RAMP1: variants seen among roughly 807,000 people sequenced by gnomAD.
RAMP1 encodes receptor activity modifying protein 1.
A neutral mutation model predicts 8.2 loss-of-function variants in RAMP1; 7 were observed. That is an observed-to-expected ratio of 0.85 (90% CI 0.49 to 1.60). The LOEUF is 1.60. Ranked by LOEUF, RAMP1 falls within the 40% of genes most tolerant of loss-of-function variation. The pLI, the probability that RAMP1 is intolerant of heterozygous loss-of-function variation, is 0.00. For missense variants in RAMP1, 192 were observed against 202.4 expected (o/e 0.95, Z 0.31); for synonymous variants, 92 against 84.7 (o/e 1.09, Z -0.47).
At position 237,877,195 on chromosome 2, in the gene RAMP1, C is replaced by T. The variant is rs955237778; in HGVS notation, c.53-29C>T. On this transcript the variant is annotated intron_variant, in intron 1 of 2. Coordinates refer to ENST00000254661, the MANE Select transcript of RAMP1 (RefSeq NM_005855.4). This position sits in a 1 kb window ranked among gnomAD's most constrained non-coding sequence, Gnocchi z 4.4. ...ACCCCTAGGCCTCTGCTGCCGCCCG[C>T]CATCTCTTCATGGCCGTGTCTATTT... 1.2e-6 allele frequency: 2 copies of T among 1,612,944 alleles called. No individual in the cohort carries two copies. The highest frequency in any genetic ancestry group is 1.7e-5 in the Admixed American group (1 of 59,990).
chr2:237,886,762 C>T (rs917685711), intron 2 of RAMP1, among the ~76,000 whole-genome samples: 6 of 152,244 alleles, frequency 3.9e-5, no homozygotes, highest in Admixed American at 1.3e-4. Flanking sequence ...GATTAACTGC[C>T]TGGTTTCACA....
Position 237,865,480 on chromosome 2 carries a change from C to G in RAMP1, c.52+5753C>G, listed in dbSNP as rs1483090303. 2.0e-5 allele frequency among the ~76,000 whole-genome samples: 3 copies of G among 152,000 alleles called. No individual in the cohort carries two copies. Among genetic ancestry groups the G allele is most frequent in the Non-Finnish European group, 2.9e-5 (2 of 67,996 alleles). On this transcript the variant is annotated intron_variant, in intron 1 of 2. Transcript: ENST00000254661. This position sits in a 1 kb window ranked among gnomAD's most constrained non-coding sequence, Gnocchi z 4.2. ...AGCATAAGCCTGTCTCATACAGTAT[C>G]GGGAACATGCCTCAAAAACCACCGT... is the stretch of plus-strand genomic sequence containing the variant.
At chr2:237,904,913 C>T (rs78068722) in intron 2 of RAMP1, among the ~76,000 whole-genome samples, 381 of 152,148 alleles carry the variant, frequency 2.5e-3, no homozygotes, top group African/African-American at 8.7e-3. Context: ...TAGGGCCAGC[C>T]GGGGGTAGCT....
chr2:237,895,903 G>A (rs938679952), intron 2 of RAMP1, among the ~76,000 whole-genome samples: 1 of 152,168 alleles, frequency 6.6e-6, no homozygotes, highest in Non-Finnish European at 1.5e-5. Context: ...GTCCCCGTGA[G>A]GTGGGAACCC....
At chr2:237,910,289 C>T (rs2062696859) in intron 2 of RAMP1, among the ~76,000 whole-genome samples, 1 of 151,310 alleles carries the variant, frequency 6.6e-6, no homozygotes, top group Non-Finnish European at 1.5e-5. Flanking sequence ...CACACACCCA[C>T]AGACAATAAC....
At chr2:237,905,222 C>T (rs966162824) in intron 2 of RAMP1, among the ~76,000 whole-genome samples, 3 of 152,104 alleles carry the variant, frequency 2.0e-5, no homozygotes, top group East Asian at 1.9e-4. Context: ...TCCTTCAGTC[C>T]GTTCTGTGTT....
In RAMP1 at chr2:237,908,410, C is replaced by CTGGTGGTGGTGGTGGTGGTGG. The variant is rs1553740387; in HGVS notation, c.192-3109_192-3089dup. Among the ~76,000 whole-genome samples, 195 of 149,114 alleles carry CTGGTGGTGGTGGTGGTGGTGG rather than the reference C, an allele frequency of 1.3e-3. 1 individual carries two copies. The highest frequency in any genetic ancestry group is 2.7e-3 in the Admixed American group (40 of 14,922). ...TCCCTTCCCCAGTGAGAAGAGACCTCTGGTGGTGGTGGTGGTGGTGGTGGT... is the reference window on the plus strand; with the variant it reads ...TCCCTTCCCCAGTGAGAAGAGACCTCTGGTGGTGGTGGTGGTGGTGGTGGTGGTGGTGGTGGTGGTGGTGGT... On this transcript the variant is annotated intron_variant, in intron 2 of 2. Coordinates refer to ENST00000254661, the MANE Select transcript of RAMP1 (RefSeq NM_005855.4).
At chr2:237,899,360 T>C (rs774142454) in intron 2 of RAMP1, among the ~76,000 whole-genome samples, 4 of 152,210 alleles carry the variant, frequency 2.6e-5, no homozygotes, top group African/African-American at 4.8e-5. Context: ...CGTGAGCCAC[T>C]GCACCTGGCC....
At chr2:237,900,687 TAATTG>T (rs2062588274) in intron 2 of RAMP1, among the ~76,000 whole-genome samples, 1 of 152,244 alleles carries the variant, frequency 6.6e-6, no homozygotes, top group Admixed American at 6.5e-5. Flanking sequence ...TAATATTTTG[TAATTG>T]AATTTTTAAA....
chr2:237,871,958 T>TATATATA (rs1435534166), intron 1 of RAMP1, among the ~76,000 whole-genome samples: 2 of 152,324 alleles, frequency 1.3e-5, no homozygotes, highest in East Asian at 3.9e-4. Flanking sequence ...AATGGGTGAA[T>TATATATA]TTGTGGTATA....
intron 1 of RAMP1, among the ~76,000 whole-genome samples, chr2:237,867,518 ATCT>A (rs1313966901): frequency 1.3e-5 from 2 of 152,004 alleles, no homozygotes; most frequent in East Asian, 3.9e-4. Flanking sequence ...TGGAGAATGC[ATCT>A]TCTTCCCGTG....
chr2:237,911,546 C>A lies in RAMP1; in HGVS notation c.210C>A (p.Ala70=). 6.2e-7 allele frequency: 1 copy of A among 1,614,108 alleles called. No homozygotes were observed. The highest frequency in any genetic ancestry group is 8.5e-7 in the Non-Finnish European group (1 of 1,179,986). The change falls in exon 3 of 3, where the codon GCC becomes GCA. Residue 70 remains alanine, a synonymous_variant. Transcript: ENST00000254661. ...GRTIRSYREL[A]DCTWHMAEKL... ...TCCGCAGGAGCTACAGGGAGCTGGC[C>A]GACTGCACCTGGCACATGGCGGAGA...
chr2:237,899,423 GGTT>G (rs1368719542), intron 2 of RAMP1, among the ~76,000 whole-genome samples: 1 of 152,216 alleles, frequency 6.6e-6, no homozygotes, highest in Non-Finnish European at 1.5e-5. Context: ...GTGTTTTCAA[GGTT>G]GTGGCTTTTT....
At position 237,878,089 on chromosome 2, in the gene RAMP1, G is replaced by A; in HGVS notation, c.191+727G>A. ...TTCTGCCTCCGTGGGAGGCGCTGGGGTGTCCTGGGGCTGCAGTGGGTGAGT... is the reference window on the plus strand; with the variant it reads ...TTCTGCCTCCGTGGGAGGCGCTGGGATGTCCTGGGGCTGCAGTGGGTGAGT... On this transcript the variant is annotated intron_variant, in intron 2 of 2. Coordinates refer to ENST00000254661, the MANE Select transcript of RAMP1 (RefSeq NM_005855.4). This position sits in a 1 kb window ranked among gnomAD's most constrained non-coding sequence, Gnocchi z 5.7. 1 of 985,492 alleles carries A rather than the reference G, an allele frequency of 1.0e-6. No homozygotes were observed. Among genetic ancestry groups the A allele is most frequent in the Non-Finnish European group, 1.2e-6 (1 of 829,938 alleles). 61.0% of individuals were successfully genotyped at this position (985,492 alleles called of 1,614,324 possible). A position where few individuals can be genotyped will look rare whatever the true frequency, so the allele number is the denominator to read the frequency against.
intron 2 of RAMP1, among the ~76,000 whole-genome samples, chr2:237,892,149 A>G (rs1180460149): frequency 1.3e-5 from 2 of 152,094 alleles, no homozygotes; most frequent in Non-Finnish European, 2.9e-5. Context: ...TTAACACAGG[A>G]AATTAAGTTG....
intron 2 of RAMP1, among the ~76,000 whole-genome samples, chr2:237,881,451 G>C (rs1042350786): frequency 1.3e-5 from 2 of 152,222 alleles, no homozygotes; most frequent in African/African-American, 4.8e-5. Context: ...CAGAAGTGGG[G>C]TCGCAGGACC....
At chr2:237,885,785 GTCTGTTCCCCCACCC>G (rs971332639) in intron 2 of RAMP1, among the ~76,000 whole-genome samples, 2 of 152,226 alleles carry the variant, frequency 1.3e-5, no homozygotes, top group Non-Finnish European at 2.9e-5. Context: ...CTGGCTAGAT[GTCTGTTCCCCCACCC>G]TCTGCCCCCC....
chr2:237,868,198 C>T (rs1426271183), intron 1 of RAMP1, among the ~76,000 whole-genome samples: 1 of 152,068 alleles, frequency 6.6e-6, no homozygotes, highest in African/African-American at 2.4e-5. Context: ...TGCCTGCCAC[C>T]ATGTCCAGCT....
upstream of RAMP1, chr2:237,859,169 C>G (rs2062106690): frequency 6.6e-6 from 1 of 152,412 alleles, no homozygotes; most frequent in Admixed American, 6.5e-5. Flanking sequence ...TCTCGCCAGG[C>G]GCGGTGGCGA....
Sources: gnomAD v4.1 joint callset for allele counts (sites outside exome capture counted in the v4.1 genomes callset) on GRCh38, gnomAD v4.1.1 for gene constraint, Gnocchi (gnomAD v3.1) non-coding constraint, MANE v1.5 for transcripts, NCBI Gene and HGNC (gene_info 2026-07-23, HGNC 2026-07-21) for gene names.